Variants in MYH15 observed in about 807,000 individuals in gnomAD.
MYH15 encodes myosin-15.
A neutral mutation model predicts 240.5 loss-of-function variants in MYH15; 227 were observed. The observed-to-expected ratio is 0.94, with a 90% CI of 0.85 to 1.05. MYH15 has a LOEUF of 1.05. MYH15 is among the 50% of genes least tolerant of loss of function. The probability of loss-of-function intolerance (pLI) is 0.00; values close to 1 mark genes in which losing one functional copy is unlikely to be tolerated. For missense variants in MYH15, 2,217 were observed against 2,247.5 expected (o/e 0.99, Z 0.27); for synonymous variants, 785 against 796.7 (o/e 0.99, Z 0.25).
At chr3:108,520,423 C>A (rs1197426063) in intron 1 of MYH15, among the ~76,000 whole-genome samples, 1 of 152,084 alleles carries the variant, frequency 6.6e-6, no homozygotes, top group Admixed American at 6.6e-5. Context: ...AATGGGCAGA[C>A]CAGTGCTGAG....
At chr3:108,388,638 A>G (rs1293785098) in intron 38 of MYH15, among the ~76,000 whole-genome samples, 2 of 152,172 alleles carry the variant, frequency 1.3e-5, no homozygotes, top group African/African-American at 4.8e-5. Context: ...CTTCATTTAC[A>G]CATTGTTCTC....
Position 108,493,090 on chromosome 3 carries a change from TCAGA to T in MYH15, c.775+20_775+23del, listed in dbSNP as rs756200747. The T allele has an allele frequency of 5.0e-6, 8 of 1,604,490 alleles. No individual in the cohort carries two copies. The East Asian group carries it at 9.0e-5, about 18-fold the overall frequency. ...GGAAGGGAAGAAAAGAAAAAAGTAA[TCAGA>T]CAGTGCAATGACTACTTACAGATAT... On this transcript the variant is annotated intron_variant, in intron 8 of 40. Coordinates refer to ENST00000693548, the MANE Select transcript of MYH15 (RefSeq NM_014981.3).
chr3:108,481,001 A>C (rs1300307251), intron 11 of MYH15, among the ~76,000 whole-genome samples: 1 of 152,236 alleles, frequency 6.6e-6, no homozygotes, highest in African/African-American at 2.4e-5. Flanking sequence ...AGAAAAATTC[A>C]ACACCTCCAT....
At chr3:108,428,157 T>C (rs536114688) in intron 27 of MYH15, among the ~76,000 whole-genome samples, 3 of 152,318 alleles carry the variant, frequency 2.0e-5, no homozygotes, top group Admixed American at 6.5e-5. Context: ...GGAGCACTTA[T>C]AACAAAAGTC....
the MYH15 span, among the ~76,000 whole-genome samples, chr3:108,541,777 A>G: frequency 1.3e-5 from 2 of 152,154 alleles, no homozygotes; most frequent in African/African-American, 2.4e-5. Flanking sequence ...GACTTAAACT[A>G]TATTGATCAA....
At position 108,383,782 on chromosome 3, in the gene MYH15, GTT is replaced by G; in HGVS notation, c.5632-55_5632-54del. Reference sequence around the variant, plus strand: ...AATCTCCATGCCTATATAGTCAGGTGTTTTTTTTTTCTGCTCTGACATGAGAA... The same window carrying G: ...AATCTCCATGCCTATATAGTCAGGTGTTTTTTTTCTGCTCTGACATGAGAA... On this transcript the variant is annotated intron_variant, in intron 39 of 40. Transcript: ENST00000693548. The G allele has an allele frequency of 6.0e-6, 7 of 1,169,754 alleles. No homozygotes were observed. The South Asian group carries it at 6.9e-5, about 11-fold the overall frequency. 72.5% of individuals were successfully genotyped at this position (1,169,754 alleles called of 1,614,324 possible).
chr3:108,455,899 C>G, intron 19 of MYH15, 40 bp from the exon 20 acceptor site: 1 of 1,573,254 alleles, frequency 6.4e-7, no homozygotes. Flanking sequence ...TTTGGGAAAT[C>G]ATATTATTCA....
At chr3:108,429,506 C>T (rs55946005) in intron 26 of MYH15, among the ~76,000 whole-genome samples, 22,772 of 151,864 alleles carry the variant, frequency 0.15, 1,884 homozygotes, top group South Asian at 0.26. Flanking sequence ...TCATCAGAGG[C>T]AGGATTATTG....
the MYH15 span, among the ~76,000 whole-genome samples, chr3:108,535,644 G>A: frequency 4.6e-5 from 7 of 152,132 alleles, no homozygotes; most frequent in Non-Finnish European, 7.4e-5. Flanking sequence ...ACCCAAATTT[G>A]AGAACCACTA....
chr3:108,474,464 T>A (rs1162963512), intron 12 of MYH15, among the ~76,000 whole-genome samples: 2 of 148,594 alleles, frequency 1.3e-5, no homozygotes, highest in African/African-American at 5.1e-5. Context: ...ATTTTTTTTT[T>A]TATTTTTTAT....
At chr3:108,466,922 C>G (rs1043915822) in intron 14 of MYH15, among the ~76,000 whole-genome samples, 1 of 152,072 alleles carries the variant, frequency 6.6e-6, no homozygotes, top group Non-Finnish European at 1.5e-5. Flanking sequence ...ATGGGGTGAA[C>G]AGGAAGCAAC....
chr3:108,421,092 C>G lies in MYH15; in HGVS notation c.3825G>C (p.Glu1275Asp). 1.2e-6 allele frequency: 2 copies of G among 1,614,072 alleles called. No homozygotes were observed. The highest frequency in any genetic ancestry group is 1.7e-6 in the Non-Finnish European group (2 of 1,179,940). Reference protein sequence around the residue: ...LAAQKTKLWSESGEFLRRLEE... With the variant: ...LAAQKTKLWSDSGEFLRRLEE... Reference sequence around the variant, plus strand: ...TCAAGCAGCATACTTACTTACCACTCTCACTCCACAGCTTTGTCTTTTGTG... The same window carrying G: ...TCAAGCAGCATACTTACTTACCACTGTCACTCCACAGCTTTGTCTTTTGTG... The change falls in exon 28 of 41, where the codon GAG (glutamate) becomes GAC (aspartate). Residue 1275 changes from glutamate to aspartate, a missense_variant. By Grantham distance (45) the Glu-to-Asp change is conservative. Transcript: ENST00000693548.
chr3:108,507,003 C>T lies in MYH15; in HGVS notation c.89-1174G>A, dbSNP rs368018775. 2.0e-5 allele frequency among the ~76,000 whole-genome samples: 3 copies of T among 151,890 alleles called. No homozygotes were observed. In the East Asian group the frequency reaches 5.8e-4, roughly 29 times the overall value. On this transcript the variant is annotated intron_variant, in intron 1 of 40. Transcript: ENST00000693548. ...CCGAGATCGTGCCATTGCACTCCAG[C>T]CTGGGTGACAGAGTGATACTCTATC...
At chr3:108,495,034 A>T (rs2083380211) in intron 7 of MYH15, among the ~76,000 whole-genome samples, 1 of 152,150 alleles carries the variant, frequency 6.6e-6, no homozygotes, top group Non-Finnish European at 1.5e-5. Flanking sequence ...CCAGCCAGAC[A>T]CTGTAAGCTC....
At chr3:108,522,277 C>T (rs1285082700) in intron 1 of MYH15, among the ~76,000 whole-genome samples, 2 of 151,990 alleles carry the variant, frequency 1.3e-5, no homozygotes. Flanking sequence ...TCTGATGTGG[C>T]TTAGTGGGTA....
intron 7 of MYH15, among the ~76,000 whole-genome samples, chr3:108,494,268 C>G (rs2083375243): frequency 6.6e-6 from 1 of 152,172 alleles, no homozygotes; most frequent in African/African-American, 2.4e-5. Flanking sequence ...TACACACAAA[C>G]ATGCAAGTAA....
chr3:108,488,119 G>T (rs566708133), intron 9 of MYH15, among the ~76,000 whole-genome samples: 1 of 151,854 alleles, frequency 6.6e-6, no homozygotes, highest in Admixed American at 6.6e-5. Flanking sequence ...GCCATTTCAA[G>T]TATATAATAC....
intron 21 of MYH15, among the ~76,000 whole-genome samples, chr3:108,448,881 A>T (rs1295326340): frequency 6.6e-6 from 1 of 151,926 alleles, no homozygotes; most frequent in East Asian, 1.9e-4. Flanking sequence ...AAACCACCAA[A>T]AAAACAGAAT....
chr3:108,498,233 C>A (rs1247152185), intron 5 of MYH15, 88 bp from the exon 6 acceptor site: 12 of 1,120,432 alleles, frequency 1.1e-5, no homozygotes, highest in African/African-American at 1.5e-5. Flanking sequence ...TAGGCTATGG[C>A]AAGCAGGGAA....
Sources: allele counts gnomAD v4.1 joint callset (sites outside exome capture counted in the v4.1 genomes callset), GRCh38; gene constraint gnomAD v4.1.1; transcripts MANE v1.5; gene names NCBI Gene and HGNC (gene_info 2026-07-23, HGNC 2026-07-21).